The following RNF115 variants were observed in gnomAD, a reference collection of about 807,000 sequenced individuals.
RNF115 encodes E3 ubiquitin-protein ligase RNF115.
In RNF115, 31 loss-of-function variants were observed where a neutral mutation model predicts 39.2. The ratio of observed to expected loss-of-function variants is 0.79; its 90% CI spans 0.59 to 1.07. The LOEUF is 1.07. Among genes scored for constraint, RNF115 ranks in the 50% least tolerant of loss-of-function variants. RNF115 has a pLI of 0.00. For missense variants in RNF115, 384 were observed against 381.7 expected, an observed-to-expected ratio of 1.01 and a Z score of -0.05; for synonymous variants, 124 against 131.0, an observed-to-expected ratio of 0.95 and a Z score of 0.37.
At chr1:145,811,591 G>A (rs1649706155) in intron 1 of RNF115, among the ~76,000 whole-genome samples, 1 of 108,466 alleles carries the variant, frequency 9.2e-6, no homozygotes, top group East Asian at 2.3e-4. Context: ...TATATATGTA[G>A]GGCCGGGTGT....
intron 4 of RNF115, among the ~76,000 whole-genome samples, chr1:145,754,862 C>T (rs587610747): frequency 6.6e-6 from 1 of 152,094 alleles, no homozygotes; most frequent in South Asian, 2.1e-4. Flanking sequence ...TGATAATCTT[C>T]CCTTCAGTGT....
intron 2 of RNF115, among the ~76,000 whole-genome samples, chr1:145,785,181 A>G (rs587597302): frequency 6.6e-6 from 1 of 152,140 alleles, no homozygotes; most frequent in Non-Finnish European, 1.5e-5. Flanking sequence ...ACCCTTCTGC[A>G]CTCTCACTTT....
At chr1:145,763,267 T>G (rs1247913757) in intron 4 of RNF115, among the ~76,000 whole-genome samples, 1 of 152,198 alleles carries the variant, frequency 6.6e-6, no homozygotes, top group Non-Finnish European at 1.5e-5. Context: ...GACACCTTCT[T>G]AGAAGTAATG....
intron 6 of RNF115, 83 bp from the exon 7 acceptor site, chr1:145,750,583 C>A: frequency 1.0e-6 from 1 of 1,004,278 alleles, no homozygotes; most frequent in Non-Finnish European, 1.5e-6. Flanking sequence ...TGAGAACAAA[C>A]AGTGCAGACA....
At chr1:145,794,487 G>T (rs10910833) in intron 1 of RNF115, among the ~76,000 whole-genome samples, 1 of 144,060 alleles carries the variant, frequency 6.9e-6, no homozygotes, top group Non-Finnish European at 1.5e-5. Flanking sequence ...ATGGCAAGGG[G>T]CATCTAATCT....
In RNF115 at chr1:145,762,215, T is replaced by C. The variant is rs1297551; in HGVS notation, c.429-9166A>G. Reference sequence around the variant, plus strand: ...TCAGACTTTTGGGTTAATGCCTAAATGAATTAAGACTTTGGGGGACTGCTG... The same window carrying C: ...TCAGACTTTTGGGTTAATGCCTAAACGAATTAAGACTTTGGGGGACTGCTG... On this transcript the variant is annotated intron_variant, in intron 4 of 8. Coordinates refer to ENST00000582693, the MANE Select transcript of RNF115 (RefSeq NM_014455.4). Among the ~76,000 whole-genome samples the C allele has an allele frequency of 6.4e-3, 973 of 152,140 alleles. 11 individuals carry two copies. Among genetic ancestry groups the C allele is most frequent in the African/African-American group, 0.023 (932 of 41,388 alleles).
At chr1:145,791,760 G>A (rs1648678600) in intron 1 of RNF115, among the ~76,000 whole-genome samples, 1 of 151,786 alleles carries the variant, frequency 6.6e-6, no homozygotes, top group African/African-American at 2.4e-5. Flanking sequence ...CAAGCTTTGG[G>A]GATAAGAATA....
intron 1 of RNF115, among the ~76,000 whole-genome samples, chr1:145,791,960 C>T (rs587759751): frequency 4.6e-5 from 7 of 152,002 alleles, no homozygotes; most frequent in African/African-American, 7.2e-5. Context: ...GAGACAGGAT[C>T]TCACTCTGTT....
At chr1:145,788,231 G>A (rs1425758944) in intron 2 of RNF115, among the ~76,000 whole-genome samples, 1 of 152,024 alleles carries the variant, frequency 6.6e-6, no homozygotes, top group Non-Finnish European at 1.5e-5. Flanking sequence ...ACAGGCGCCC[G>A]CCACTATACC....
At chr1:145,777,576 G>A (rs1468865856) in intron 3 of RNF115, among the ~76,000 whole-genome samples, 3 of 151,786 alleles carry the variant, frequency 2.0e-5, no homozygotes, top group South Asian at 2.1e-4. Flanking sequence ...ATAGCTTCAG[G>A]TCATTTGTCT....
chr1:145,756,947 C>T (rs971976334), intron 4 of RNF115, among the ~76,000 whole-genome samples: 4 of 150,364 alleles, frequency 2.7e-5, no homozygotes, highest in Middle Eastern at 3.4e-3. Context: ...GCAATTCTCA[C>T]GCCTCGGCCT....
At chr1:145,815,483 A>G (rs1259626710) in intron 1 of RNF115, among the ~76,000 whole-genome samples, 6 of 152,286 alleles carry the variant, frequency 3.9e-5, no homozygotes, top group Non-Finnish European at 7.3e-5. Flanking sequence ...ATTTAATCAC[A>G]TAAGGTAACA....
chr1:145,823,692 G>C lies in RNF115; in HGVS notation c.102+80C>G. On this transcript the variant is annotated intron_variant, in intron 1 of 8. Coordinates refer to ENST00000582693, the MANE Select transcript of RNF115 (RefSeq NM_014455.4). ...ATGTCGGGCGAGTCAATGATGTGCA[G>C]AAAGCTCCAGACCCAGTTCCGGGAA... 7 of 1,141,732 alleles carry C rather than the reference G, an allele frequency of 6.1e-6. No homozygotes were observed. In the South Asian group the frequency reaches 1.0e-4, roughly 17 times the overall value. The allele number at this position is 1,141,732 out of a possible 1,614,324, so 70.7% of individuals were successfully genotyped here.
intron 3 of RNF115, among the ~76,000 whole-genome samples, chr1:145,778,816 C>G (rs1195401642): frequency 6.6e-6 from 1 of 152,292 alleles, no homozygotes; most frequent in Admixed American, 6.5e-5. Flanking sequence ...AAAGTCTAAT[C>G]TCTAGTGATT....
chr1:145,761,294 C>G (rs1658492998), intron 4 of RNF115, among the ~76,000 whole-genome samples: 1 of 152,198 alleles, frequency 6.6e-6, no homozygotes, highest in Non-Finnish European at 1.5e-5. Flanking sequence ...TCCCCAAGAC[C>G]ACAGGCAAAA....
intron 3 of RNF115, among the ~76,000 whole-genome samples, chr1:145,781,077 T>C (rs929771930): frequency 6.6e-6 from 1 of 152,154 alleles, no homozygotes; most frequent in Admixed American, 6.5e-5. Context: ...ATTCAAACAC[T>C]GCTCCCATGT....
Position 145,770,414 on chromosome 1 carries a change from G to A in RNF115, c.428+1297C>T, listed in dbSNP as rs782819657. 3.9e-5 allele frequency among the ~76,000 whole-genome samples: 6 copies of A among 152,156 alleles called. No individual in the cohort carries two copies. The East Asian group carries it at 1.2e-3, about 29-fold the overall frequency. On this transcript the variant is annotated intron_variant, in intron 4 of 8. Transcript: ENST00000582693. Reference sequence around the variant, plus strand: ...CACTGTTCAATAGAACTAAGATAATGGAAATTTTCTATAATATGTTCTGTC... The same window carrying A: ...CACTGTTCAATAGAACTAAGATAATAGAAATTTTCTATAATATGTTCTGTC...
intron 4 of RNF115, among the ~76,000 whole-genome samples, chr1:145,760,189 G>A (rs1658445929): frequency 6.6e-6 from 1 of 152,038 alleles, no homozygotes. Context: ...TGTAATCCCA[G>A]CACATTGGGA....
intron 1 of RNF115, among the ~76,000 whole-genome samples, chr1:145,808,229 T>C (rs1649541939): frequency 6.6e-6 from 1 of 152,218 alleles, no homozygotes; most frequent in Non-Finnish European, 1.5e-5. Context: ...TGCTGGATTG[T>C]ATGGTAGTTT....
Sources: gnomAD v4.1 joint callset for allele counts (sites outside exome capture counted in the v4.1 genomes callset) on GRCh38, gnomAD v4.1.1 for gene constraint, MANE v1.5 for transcripts, NCBI Gene and HGNC (gene_info 2026-07-23, HGNC 2026-07-21) for gene names.